Variants in COL24A1 observed in about 807,000 individuals in gnomAD.
COL24A1 encodes the protein collagen type XXIV alpha 1 chain, also known as collagen alpha-1(XXIV) chain.
A neutral mutation model predicts 253.9 loss-of-function variants in COL24A1; 224 were observed. The observed-to-expected ratio is 0.88, with a 90% CI of 0.79 to 0.99. COL24A1 has a LOEUF of 0.99. Ranked by LOEUF, COL24A1 falls within the 50% of genes least tolerant of loss-of-function variation. The pLI, the probability that COL24A1 is intolerant of heterozygous loss-of-function variation, is 0.00. For synonymous variants in COL24A1, 685 were observed against 673.7 expected, an observed-to-expected ratio of 1.02 and a Z score of -0.26; for missense variants, 2,131 against 2,068.5, an observed-to-expected ratio of 1.03 and a Z score of -0.59.
chr1:86,058,032 A>C (rs1700787730), intron 9 of COL24A1, 57 bp from the exon 10 acceptor site: 2 of 1,410,498 alleles, frequency 1.4e-6, no homozygotes, highest in African/African-American at 2.9e-5. Context: ...AGAGTTAATA[A>C]ATAGATTAAT....
At chr1:86,101,704 T>C (rs1704470353) in intron 5 of COL24A1, among the ~76,000 whole-genome samples, 1 of 152,246 alleles carries the variant, frequency 6.6e-6, no homozygotes, top group Non-Finnish European at 1.5e-5. Flanking sequence ...TTTGCATATG[T>C]TGAAACAACC....
chr1:86,077,236 G>GA (rs1405847331), intron 7 of COL24A1, among the ~76,000 whole-genome samples: 3 of 152,030 alleles, frequency 2.0e-5, no homozygotes, highest in African/African-American at 7.2e-5. Flanking sequence ...ACACACATAT[G>GA]AAAAAAAGCT....
chr1:85,825,387 T>G (rs1045256953), intron 43 of COL24A1, among the ~76,000 whole-genome samples: 3 of 152,212 alleles, frequency 2.0e-5, no homozygotes, highest in African/African-American at 7.2e-5. Context: ...TAAACGTACC[T>G]GTGCATGTGT....
intron 11 of COL24A1, among the ~76,000 whole-genome samples, chr1:86,048,216 T>C (rs916691875): frequency 1.4e-4 from 22 of 152,192 alleles, no homozygotes; most frequent in Non-Finnish European, 2.1e-4. Flanking sequence ...TTCATATGTG[T>C]ACATATGTGT....
intron 7 of COL24A1, among the ~76,000 whole-genome samples, chr1:86,078,589 A>G (rs1702419156): frequency 6.6e-6 from 1 of 152,200 alleles, no homozygotes; most frequent in African/African-American, 2.4e-5. Flanking sequence ...AAAACCTATT[A>G]GAACTGGTAA....
rs77549850 is a variant in COL24A1, at chr1:86,156,377, C to T, written c.20G>A (p.Arg7Lys). Reference protein sequence around the residue: MHLRAHRTRRGKVSPTA... With the variant: MHLRAHKTRRGKVSPTA... ...GGGGGAGACTTTTCCACGCCTTGTTCTGTGGGCTCTTAAATGCATTTGTAT... is the reference window on the plus strand; with the variant it reads ...GGGGGAGACTTTTCCACGCCTTGTTTTGTGGGCTCTTAAATGCATTTGTAT... Residue 7 changes from arginine (R) to lysine (K), a missense_variant, in exon 1 of 60, where the codon AGA (arginine) becomes AAA (lysine). Arg to Lys is a conservative substitution (Grantham distance 26, BLOSUM62 2). Coordinates refer to ENST00000370571, the MANE Select transcript of COL24A1 (RefSeq NM_152890.7). The T allele has an allele frequency of 9.1e-3, 14,723 of 1,612,472 alleles. 407 individuals carry two copies. In the East Asian group the frequency reaches 0.1, roughly 11 times the overall value.
chr1:85,867,226 A>G (rs1679892222), intron 37 of COL24A1, among the ~76,000 whole-genome samples: 1 of 152,180 alleles, frequency 6.6e-6, no homozygotes, highest in South Asian at 2.1e-4. Flanking sequence ...GGAAAAGAGA[A>G]GGACAGAAAA....
chr1:85,733,158 T>C (rs1477841471), intron 59 of COL24A1, among the ~76,000 whole-genome samples: 1 of 152,186 alleles, frequency 6.6e-6, no homozygotes, highest in African/African-American at 2.4e-5. Flanking sequence ...ACTATTTTCC[T>C]GGAAATAAAA....
chr1:85,798,334 G>A (rs1218505488), intron 47 of COL24A1, among the ~76,000 whole-genome samples: 1 of 151,814 alleles, frequency 6.6e-6, no homozygotes, highest in African/African-American at 2.4e-5. Flanking sequence ...TGTTGCTCTG[G>A]AAGAGTTCCT....
chr1:85,734,634 A>T (rs747888200), intron 59 of COL24A1, 115 bp downstream of exon 59: 4 of 877,568 alleles, frequency 4.6e-6, no homozygotes, highest in Non-Finnish European at 7.2e-6. Flanking sequence ...AAAACTTACT[A>T]CCCTTCTGTA....
At chr1:85,891,324 A>G (rs1187470682) in intron 31 of COL24A1, among the ~76,000 whole-genome samples, 2 of 150,608 alleles carry the variant, frequency 1.3e-5, no homozygotes, top group African/African-American at 4.9e-5. Flanking sequence ...TTGGCCTCCC[A>G]AAGTGCTGGG....
At chr1:85,737,267 C>T in intron 58 of COL24A1, 129 bp downstream of exon 58, 4 of 541,624 alleles carry the variant, frequency 7.4e-6, no homozygotes, top group Non-Finnish European at 9.7e-6. Flanking sequence ...ATTTCTCATA[C>T]ACAATAGAGA....
Position 85,818,144 on chromosome 1 carries a change from C to T in COL24A1, c.3790-57G>A. The stretch of plus-strand genomic sequence containing the variant: ...TGTAATAATCTTACTTAAACTGAAG[C>T]CATAGAAAAGGACACTGAGACCTGG... On this transcript the variant is annotated intron_variant, in intron 45 of 59. Coordinates refer to ENST00000370571, the MANE Select transcript of COL24A1 (RefSeq NM_152890.7). The T allele has an allele frequency of 1.1e-5, 16 of 1,442,066 alleles. 1 individual carries two copies. Among genetic ancestry groups the T allele is most frequent in the South Asian group, 2.3e-5 (2 of 86,520 alleles). 89.3% of individuals were successfully genotyped at this position (1,442,066 alleles called of 1,614,324 possible).
At position 86,135,303 on chromosome 1, in the gene COL24A1, A is replaced by T. The variant is rs890136373; in HGVS notation, c.122-9089T>A. On this transcript the variant is annotated intron_variant, in intron 2 of 59. Coordinates refer to ENST00000370571, the MANE Select transcript of COL24A1 (RefSeq NM_152890.7). ...ACTGATGTGTCTTGACTCTTTATCC[A>T]ATTTGCCGGTCTGTGTCTTTTAATT... is the stretch of plus-strand genomic sequence containing the variant. Among the ~76,000 whole-genome samples, 3 of 152,112 alleles carry T rather than the reference A, an allele frequency of 2.0e-5. No individual in the cohort carries two copies. In the East Asian group the frequency reaches 5.8e-4, roughly 29 times the overall value.
chr1:86,131,551 C>T lies in COL24A1; in HGVS notation c.122-5337G>A, dbSNP rs181196256. ...CAAAGGCCCCAGTGTGTGATGTTCACCTTCCTGTGTTCATGTGTTCTCATT... is the reference window on the plus strand; with the variant it reads ...CAAAGGCCCCAGTGTGTGATGTTCATCTTCCTGTGTTCATGTGTTCTCATT... On this transcript the variant is annotated intron_variant, in intron 2 of 59. Transcript: ENST00000370571. Among the ~76,000 whole-genome samples the T allele has an allele frequency of 9.8e-3, 1,358 of 139,208 alleles. 11 individuals carry two copies. The highest frequency in any genetic ancestry group is 0.014 in the Non-Finnish European group (903 of 65,188). 91.3% of individuals were successfully genotyped at this position (139,208 alleles called of 152,430 possible).
chr1:85,932,119 C>A (rs1402433043), intron 24 of COL24A1, among the ~76,000 whole-genome samples: 3 of 90,416 alleles, frequency 3.3e-5, no homozygotes, highest in Non-Finnish European at 4.5e-5. Flanking sequence ...TTCTGCACAG[C>A]AAAAGAAACT....
At chr1:86,063,625 G>GA (rs918118753) in intron 8 of COL24A1, 90 bp downstream of exon 8, 5 of 943,934 alleles carry the variant, frequency 5.3e-6, no homozygotes, top group Non-Finnish European at 7.5e-6. Context: ...AAGAAAAATT[G>GA]AAAAAATGGG....
intron 47 of COL24A1, among the ~76,000 whole-genome samples, chr1:85,796,702 T>G (rs1368493804): frequency 1.3e-5 from 2 of 152,202 alleles, no homozygotes; most frequent in Non-Finnish European, 2.9e-5. Context: ...TTTATATTTA[T>G]TATTATGAAA....
chr1:85,999,308 G>A (rs918369241), intron 19 of COL24A1, among the ~76,000 whole-genome samples: 1 of 152,014 alleles, frequency 6.6e-6, no homozygotes, highest in Non-Finnish European at 1.5e-5. Flanking sequence ...ACAGTTTCAG[G>A]TTTGCAACAT....
Sources: allele counts gnomAD v4.1 joint callset (sites outside exome capture counted in the v4.1 genomes callset), GRCh38; gene constraint gnomAD v4.1.1; transcripts MANE v1.5; gene names NCBI Gene and HGNC (gene_info 2026-07-23, HGNC 2026-07-21).